Variants in JAK2 observed in about 807,000 individuals in gnomAD.
The protein encoded by JAK2 is Janus kinase 2.
In JAK2, 86 loss-of-function variants were observed where a neutral mutation model predicts 139.3. That is an observed-to-expected ratio of 0.62 (90% CI 0.52 to 0.74). The LOEUF is 0.74. Ranked by LOEUF, JAK2 falls within the 30% of genes least tolerant of loss-of-function variation. The pLI is 0.00. For missense variants in JAK2, 1,421 were observed against 1,360.3 expected, an observed-to-expected ratio of 1.04 and a Z score of -0.70; for synonymous variants, 490 against 437.7, an observed-to-expected ratio of 1.12 and a Z score of -1.49.
chr9:5,127,693 T>A lies in JAK2; in HGVS notation c.*902T>A. On this transcript the variant is annotated 3_prime_UTR_variant, in exon 25 of 25. Coordinates refer to ENST00000381652, the MANE Select transcript of JAK2 (RefSeq NM_004972.4). Reference sequence around the variant, plus strand: ...ACTGCCAATAACATTCTTCGATCTCTGGGATTTATGCTCATGAACTAAATT... The same window carrying A: ...ACTGCCAATAACATTCTTCGATCTCAGGGATTTATGCTCATGAACTAAATT... The A allele has an allele frequency of 4.3e-6, 1 of 232,330 alleles. No individual in the cohort carries two copies. Among genetic ancestry groups the A allele is most frequent in the Admixed American group, 5.6e-5 (1 of 17,750 alleles). The allele number at this position is 232,330 out of a possible 1,614,324, so 14.4% of individuals were successfully genotyped here.
At position 5,054,766 on chromosome 9, in the gene JAK2, A is replaced by G; in HGVS notation, c.818A>G (p.Lys273Arg). The part of the protein sequence containing the change: ...SAFYTEKFEV[K>R]EPGSGPSGEE... ...TTCTACACAGAGAAATTTGAAGTAA[A>G]AGAACCTGGAAGTGGTCCTTCAGGT... The change falls in exon 7 of 25, where the codon AAA becomes AGA. Residue 273 changes from lysine to arginine, a missense_variant. By Grantham distance (26) the Lys-to-Arg change is conservative. Transcript: ENST00000381652. This position sits in a 1 kb window ranked among gnomAD's most constrained non-coding sequence, Gnocchi z 4.9. The G allele has an allele frequency of 6.2e-7, 1 of 1,613,260 alleles. No individual in the cohort carries two copies. The highest frequency in any genetic ancestry group is 8.5e-7 in the Non-Finnish European group (1 of 1,179,362).
intron 23 of JAK2, 72 bp downstream of exon 23, chr9:5,123,193 G>A: frequency 4.9e-6 from 5 of 1,028,492 alleles, no homozygotes. Flanking sequence ...TGGGGTACAA[G>A]TACAATTTTG....
At chr9:5,098,368 C>T (rs1202718661) in intron 22 of JAK2, 1 of 152,192 alleles carries the variant, frequency 6.6e-6, no homozygotes, top group Non-Finnish European at 1.5e-5. Flanking sequence ...ATTAGGCCTT[C>T]AAGACGCTAC....
chr9:5,078,498 T>A (rs1165456450), intron 16 of JAK2, 54 bp downstream of exon 16: 19 of 1,376,648 alleles, frequency 1.4e-5, no homozygotes, highest in Non-Finnish European at 1.9e-5. Flanking sequence ...TGGGCAGTGG[T>A]GTAAAGGGCA....
chr9:5,066,510 T>C lies in JAK2; in HGVS notation c.1215-168T>C, dbSNP rs538190191. On this transcript the variant is annotated intron_variant, in intron 9 of 24. Transcript: ENST00000381652. ...GAAGTGGTTTGAACTTACTGCAAAA[T>C]AGCTTGGTACTTTGATTTTTTCCTT... 3.3e-5 allele frequency among the ~76,000 whole-genome samples: 5 copies of C among 152,220 alleles called. No homozygotes were observed. The South Asian group carries it at 1.0e-3, about 32-fold the overall frequency.
At chr9:4,988,053 T>A (rs1820062539) in intron 2 of JAK2, among the ~76,000 whole-genome samples, 1 of 152,258 alleles carries the variant, frequency 6.6e-6, no homozygotes, top group Non-Finnish European at 1.5e-5. Context: ...TTTGTGTCTC[T>A]GCTTAAACCC....
intron 4 of JAK2, among the ~76,000 whole-genome samples, chr9:5,037,469 A>G (rs991259463): frequency 2.6e-5 from 4 of 152,364 alleles, no homozygotes; most frequent in South Asian, 4.1e-4. Context: ...GATGTCCAAC[A>G]ATGATAGACT....
chr9:5,102,102 G>C (rs1322179883), intron 22 of JAK2, among the ~76,000 whole-genome samples: 1 of 152,090 alleles, frequency 6.6e-6, no homozygotes, highest in Non-Finnish European at 1.5e-5. Context: ...CAAGCTAAAG[G>C]AGGATGTTCA....
At chr9:5,069,864 T>G in intron 11 of JAK2, 61 bp from the exon 12 acceptor site, 1 of 1,149,080 alleles carries the variant, frequency 8.7e-7, no homozygotes, top group South Asian at 1.7e-5. Context: ...TTACTCCTCT[T>G]TGGAGCAATT....
rs767756183 is a variant in JAK2 at position 5,080,215 on chromosome 9, G to A, written c.2132-14G>A. The A allele has an allele frequency of 1.8e-5, 28 of 1,594,346 alleles. No individual in the cohort carries two copies. The highest frequency in any genetic ancestry group is 3.3e-4 in the Middle Eastern group (2 of 5,996). On this transcript the variant is annotated splice_polypyrimidine_tract_variant and intron_variant, in intron 16 of 24. Transcript: ENST00000381652. ...TGAATTATTTAACCCTACTCTGTTC[G>A]TATCATTTAAAAGTTCTTCAGGAGA... is the stretch of plus-strand genomic sequence containing the variant.
intron 3 of JAK2, among the ~76,000 whole-genome samples, chr9:5,027,629 C>T (rs1224894678): frequency 6.6e-6 from 1 of 152,116 alleles, no homozygotes; most frequent in Non-Finnish European, 1.5e-5. Flanking sequence ...AGCATTTTAC[C>T]CGCAGTAGAA....
intron 4 of JAK2, among the ~76,000 whole-genome samples, chr9:5,040,654 C>G (rs1816417708): frequency 6.6e-6 from 1 of 152,254 alleles, no homozygotes; most frequent in African/African-American, 2.4e-5. Context: ...AGGCAAGGGA[C>G]TTGGATAGAC....
chr9:5,116,622 T>C (rs973041125), intron 22 of JAK2, among the ~76,000 whole-genome samples: 1 of 152,190 alleles, frequency 6.6e-6, no homozygotes, highest in African/African-American at 2.4e-5. Flanking sequence ...TTGGTTATAC[T>C]TAATGAATAC....
intron 22 of JAK2, chr9:5,097,484 TA>T (rs1349151321): frequency 2.0e-5 from 3 of 152,196 alleles, no homozygotes; most frequent in African/African-American, 7.2e-5. Flanking sequence ...GTATGAGCCA[TA>T]ATATCTATTG....
chr9:5,117,235 G>T (rs936343898), intron 22 of JAK2, among the ~76,000 whole-genome samples: 2 of 152,218 alleles, frequency 1.3e-5, no homozygotes, highest in Non-Finnish European at 2.9e-5. Context: ...ATTATCCATT[G>T]TCAGGTACTC....
chr9:5,117,740 C>G (rs1823309047), intron 22 of JAK2, among the ~76,000 whole-genome samples: 1 of 151,954 alleles, frequency 6.6e-6, no homozygotes, highest in African/African-American at 2.4e-5. Flanking sequence ...ATATAACTCA[C>G]AGAAACAAAA....
intron 4 of JAK2, among the ~76,000 whole-genome samples, chr9:5,030,669 T>G (rs1328604146): frequency 6.6e-6 from 1 of 152,096 alleles, no homozygotes; most frequent in East Asian, 1.9e-4. Flanking sequence ...TCACCTCATG[T>G]GTACTTCATT....
Position 5,066,666 on chromosome 9 carries a change from C to G in JAK2, c.1215-12C>G. The stretch of plus-strand genomic sequence containing the variant: ...TGATATATTATTCAAATTGCTTCTT[C>G]TTTACCTTTAGGATGGATTTTGCCA... On this transcript the variant is annotated splice_polypyrimidine_tract_variant and intron_variant, in intron 9 of 24. Coordinates refer to ENST00000381652, the MANE Select transcript of JAK2 (RefSeq NM_004972.4). 6.8e-7 allele frequency: 1 copy of G among 1,460,792 alleles called. No individual in the cohort carries two copies. Among genetic ancestry groups the G allele is most frequent in the Non-Finnish European group, 9.6e-7 (1 of 1,041,346 alleles). 90.5% of individuals were successfully genotyped at this position (1,460,792 alleles called of 1,614,324 possible).
Position 5,078,368 on chromosome 9 carries a change from A to G in JAK2, c.2055A>G (p.Glu685=). The change falls in exon 16 of 25, where the codon GAA becomes GAG. Residue 685 remains glutamate (E), a synonymous_variant. Coordinates refer to ENST00000381652, the MANE Select transcript of JAK2 (RefSeq NM_004972.4). ...AAAATATTCTGCTTATCAGAGAAGA[A>G]GACAGGAAGACAGGAAATCCTCCTT... ...CAKNILLIRE[E]DRKTGNPPFI... 1 of 1,612,450 alleles carries G rather than the reference A, an allele frequency of 6.2e-7. No homozygotes were observed. Among genetic ancestry groups the G allele is most frequent in the Non-Finnish European group, 8.5e-7 (1 of 1,178,660 alleles).
Sources: allele counts gnomAD v4.1 joint callset (sites outside exome capture counted in the v4.1 genomes callset), GRCh38; gene constraint gnomAD v4.1.1; non-coding constraint Gnocchi (gnomAD v3.1); transcripts MANE v1.5; gene names NCBI Gene and HGNC (gene_info 2026-07-23, HGNC 2026-07-21).